The following WDR35 variants were observed in gnomAD, a reference collection of about 807,000 sequenced individuals.
The protein encoded by WDR35 is WD repeat-containing protein 35.
Under a neutral mutation model 158.3 loss-of-function variants are expected in WDR35, and 118 were observed. The observed-to-expected ratio is 0.75, with a 90% CI of 0.64 to 0.87. The LOEUF is 0.87. Ranked by LOEUF, WDR35 falls within the 40% of genes least tolerant of loss-of-function variation. The pLI, the probability that WDR35 is intolerant of heterozygous loss-of-function variation, is 0.00. For synonymous variants in WDR35, 448 were observed against 476.1 expected, an observed-to-expected ratio of 0.94 and a Z score of 0.77; for missense variants, 1,263 against 1,405.8, an observed-to-expected ratio of 0.90 and a Z score of 1.62.
At chr2:19,919,794 G>T (rs1670111238) in intron 25 of WDR35, among the ~76,000 whole-genome samples, 1 of 152,068 alleles carries the variant, frequency 6.6e-6, no homozygotes, top group Admixed American at 6.6e-5. Flanking sequence ...ATGAATCCAG[G>T]AACTGGTTTT....
At chr2:19,964,381 C>CTTTTTTTTTTTTTTTTTTTTTT (rs558586617) in intron 10 of WDR35, among the ~76,000 whole-genome samples, 71 of 113,422 alleles carry the variant, frequency 6.3e-4, no homozygotes, top group African/African-American at 8.9e-4. Context: ...CTTTTCTTTT[C>CTTTTTTTTTTTTTTTTTTTTTT]TTTTTTTTTT....
At chr2:19,963,721 CATTTATTTATTT>C (rs35999226) in intron 10 of WDR35, among the ~76,000 whole-genome samples, 19 of 149,694 alleles carry the variant, frequency 1.3e-4, no homozygotes, top group South Asian at 4.3e-4. Flanking sequence ...GTATTCCACC[CATTTATTTATTT>C]ATTTATTTAT....
chr2:19,935,338 T>A (rs1670658224), intron 21 of WDR35, 133 bp downstream of exon 21: 2 of 929,822 alleles, frequency 2.2e-6, no homozygotes, highest in Admixed American at 3.0e-5. Flanking sequence ...ATTAAAAGCA[T>A]CATTCCATGT....
At chr2:19,977,218 G>A (rs902395962) in intron 5 of WDR35, among the ~76,000 whole-genome samples, 1 of 152,134 alleles carries the variant, frequency 6.6e-6, no homozygotes, top group Non-Finnish European at 1.5e-5. Context: ...ATATGCTGGT[G>A]GTTCCCAAAA....
intron 11 of WDR35, among the ~76,000 whole-genome samples, chr2:19,959,747 T>C (rs1033124741): frequency 4.6e-5 from 7 of 151,674 alleles, no homozygotes; most frequent in African/African-American, 1.7e-4. Context: ...AAATGTCCAA[T>C]ATGAAAAAAA....
chr2:19,988,231 G>C (rs1672632680), intron 2 of WDR35, among the ~76,000 whole-genome samples: 1 of 152,204 alleles, frequency 6.6e-6, no homozygotes, highest in Admixed American at 6.5e-5. Flanking sequence ...ATAAGATTGT[G>C]AAGGTTAAAC....
chr2:19,910,952 C>G lies in WDR35; in HGVS notation c.*2606G>C, dbSNP rs531121822. 6.6e-6 allele frequency: 1 copy of G among 152,116 alleles called. No individual in the cohort carries two copies. Among genetic ancestry groups the G allele is most frequent in the Non-Finnish European group, 1.5e-5 (1 of 68,024 alleles). 9.4% of individuals were successfully genotyped at this position (152,116 alleles called of 1,614,324 possible). A position where few individuals can be genotyped will look rare whatever the true frequency, so the allele number is the denominator to read the frequency against. ...ATATACATATGCGCGCACACACACA[C>G]GCACACAAAATTAGGTCCACAAGGT... On this transcript the variant is annotated 3_prime_UTR_variant, in exon 27 of 27. Transcript: ENST00000281405.
rs183975840 is a variant in WDR35, at chr2:19,911,672, G to A, written c.*1886C>T. 1.8e-4 allele frequency: 27 copies of A among 152,340 alleles called. No homozygotes were observed. Among genetic ancestry groups the A allele is most frequent in the Middle Eastern group, 3.4e-3 (1 of 294 alleles). The allele number at this position is 152,340 out of a possible 1,614,324, so 9.4% of individuals were successfully genotyped here. A position where few individuals can be genotyped will look rare whatever the true frequency, so the allele number is the denominator to read the frequency against. Reference sequence around the variant, plus strand: ...ACTTATTAGGCAAAGTTAATAGAGCGTGTATGTGTGACCACAGATAGAAAG... The same window carrying A: ...ACTTATTAGGCAAAGTTAATAGAGCATGTATGTGTGACCACAGATAGAAAG... On this transcript the variant is annotated 3_prime_UTR_variant, in exon 27 of 27. Coordinates refer to ENST00000281405, the MANE Select transcript of WDR35 (RefSeq NM_020779.4).
intron 10 of WDR35, among the ~76,000 whole-genome samples, chr2:19,965,354 G>A (rs1671814830): frequency 6.6e-6 from 1 of 152,200 alleles, no homozygotes; most frequent in South Asian, 2.1e-4. Flanking sequence ...TTAAGAGTCA[G>A]ACATTGAAAA....
At chr2:19,986,194 A>G (rs181634978) in intron 2 of WDR35, among the ~76,000 whole-genome samples, 1 of 152,340 alleles carries the variant, frequency 6.6e-6, no homozygotes, top group Non-Finnish European at 1.5e-5. Flanking sequence ...TGAAATGGAG[A>G]GAATTGAAAG....
chr2:19,913,778 T>A, intron 26 of WDR35, 70 bp from the exon 27 acceptor site: 1 of 1,588,784 alleles, frequency 6.3e-7, no homozygotes, highest in Non-Finnish European at 8.6e-7. Flanking sequence ...TTTAATACAC[T>A]TAAAAAAAAC....
At chr2:19,970,037 G>A (rs755626510) in intron 8 of WDR35, among the ~76,000 whole-genome samples, 9 of 152,130 alleles carry the variant, frequency 5.9e-5, no homozygotes, top group South Asian at 2.1e-4. Context: ...GTGAGCCACC[G>A]CACCCAGCCA....
rs898029231 is a variant in WDR35 at position 19,912,326 on chromosome 2, A to T, written c.*1232T>A. On this transcript the variant is annotated 3_prime_UTR_variant, in exon 27 of 27. Transcript: ENST00000281405. ...TAGAGGCTACCATTGTACCAAGGTA[A>T]TTTTCCACGAGGCGCATGAATAGAG... The T allele has an allele frequency of 1.3e-5, 2 of 152,114 alleles. No homozygotes were observed. Among genetic ancestry groups the T allele is most frequent in the Non-Finnish European group, 2.9e-5 (2 of 68,030 alleles). 9.4% of individuals were successfully genotyped at this position (152,114 alleles called of 1,614,324 possible).
intron 7 of WDR35, 57 bp from the exon 8 acceptor site, chr2:19,973,765 T>C: frequency 6.4e-7 from 1 of 1,563,934 alleles, no homozygotes; most frequent in Admixed American, 1.9e-5. Context: ...CTAGAGAACT[T>C]TATAATCTTA....
At chr2:19,974,148 C>T (rs1283756970) in intron 7 of WDR35, among the ~76,000 whole-genome samples, 5 of 151,784 alleles carry the variant, frequency 3.3e-5, no homozygotes, top group African/African-American at 9.7e-5. Context: ...CAGTGGCTCA[C>T]GCCTGTAATC....
At chr2:19,930,315 A>G in intron 25 of WDR35, 81 bp downstream of exon 25, 2 of 1,597,234 alleles carry the variant, frequency 1.3e-6, no homozygotes, top group Admixed American at 1.7e-5. Context: ...AAGGCCACAT[A>G]AAGGCAAATT....
In WDR35 at chr2:19,932,317, T is replaced by C. The variant is rs745864564; in HGVS notation, c.2789A>G (p.Asn930Ser). The C allele has an allele frequency of 1.1e-5, 17 of 1,613,216 alleles. No homozygotes were observed. The highest frequency in any genetic ancestry group is 2.2e-5 in the East Asian group (1 of 44,722). The change falls in exon 23 of 27, where the codon AAT becomes AGT. Residue 930 changes from asparagine to serine, a missense_variant. By Grantham distance (46) the Asn-to-Ser change is conservative. Transcript: ENST00000281405. ...CAGTTTAGCTGCATCAAAAAAGTAATTGGCTTTCCGATAGAGTTCTATGGC... is the reference window on the plus strand; with the variant it reads ...CAGTTTAGCTGCATCAAAAAAGTAACTGGCTTTCCGATAGAGTTCTATGGC... The part of the protein sequence containing the change: ...LDAIELYRKA[N>S]YFFDAAKLMF...
intron 17 of WDR35, among the ~76,000 whole-genome samples, 191 bp from the exon 18 acceptor site, chr2:19,938,592 A>G (rs1318871816): frequency 1.3e-5 from 2 of 152,146 alleles, no homozygotes; most frequent in African/African-American, 4.8e-5. Context: ...CCCACAAGTA[A>G]GTACCTCTGA....
chr2:19,915,678 C>G (rs1419978592), intron 25 of WDR35, among the ~76,000 whole-genome samples: 1 of 151,408 alleles, frequency 6.6e-6, no homozygotes, highest in East Asian at 1.9e-4. Flanking sequence ...AAATTTACAA[C>G]CTCATTAATG....
Sources: allele counts gnomAD v4.1 joint callset (sites outside exome capture counted in the v4.1 genomes callset), GRCh38; gene constraint gnomAD v4.1.1; transcripts MANE v1.5; gene names NCBI Gene and HGNC (gene_info 2026-07-23, HGNC 2026-07-21).